The following SGCZ variants were observed in gnomAD, a reference collection of about 807,000 sequenced individuals.
SGCZ encodes zeta-sarcoglycan.
SGCZ carries 40 observed loss-of-function variants against 41.3 expected under a neutral mutation model. The ratio of observed to expected loss-of-function variants is 0.97; its 90% CI spans 0.75 to 1.26. SGCZ has a LOEUF of 1.26. SGCZ is among the 50% of genes most tolerant of loss of function. The pLI, the probability that SGCZ is intolerant of heterozygous loss-of-function variation, is 0.00. For missense variants in SGCZ, 552 were observed against 369.8 expected, an observed-to-expected ratio of 1.49 and a Z score of -4.04; for synonymous variants, 206 against 137.5, an observed-to-expected ratio of 1.50 and a Z score of -3.49.
At chr8:14,458,248 T>A (rs1303170974) in intron 2 of SGCZ, among the ~76,000 whole-genome samples, 1 of 152,108 alleles carries the variant, frequency 6.6e-6, no homozygotes, top group East Asian at 1.9e-4. Context: ...CTAGCTATAT[T>A]ACAAATGAAA....
At chr8:14,205,395 T>A (rs2117081057) in intron 4 of SGCZ, among the ~76,000 whole-genome samples, 1 of 152,290 alleles carries the variant, frequency 6.6e-6, no homozygotes, top group Non-Finnish European at 1.5e-5. Flanking sequence ...TTCAGAAAGT[T>A]AAAATTTAAT....
chr8:14,799,973 TA>T (rs1228546476), intron 1 of SGCZ, among the ~76,000 whole-genome samples: 1 of 152,198 alleles, frequency 6.6e-6, no homozygotes, highest in African/African-American at 2.4e-5. Context: ...AGTATTTTCT[TA>T]AAACAATTCA....
chr8:14,940,749 ATG>A lies in SGCZ; in HGVS notation c.39+296834_39+296835del, dbSNP rs140834317. Among the ~76,000 whole-genome samples, 63 of 151,792 alleles carry A rather than the reference ATG, an allele frequency of 4.2e-4. 1 individual carries two copies. The East Asian group carries it at 0.011, about 27-fold the overall frequency. On this transcript the variant is annotated intron_variant, in intron 1 of 7. Transcript: ENST00000382080. ...TTGACCATATATGAATGAAGTGTGT[ATG>A]TGTGTGTGTGTCTGTGTTTGTGTAC...
At chr8:14,377,374 T>A (rs1219949616) in intron 2 of SGCZ, among the ~76,000 whole-genome samples, 2 of 152,160 alleles carry the variant, frequency 1.3e-5, no homozygotes, top group Non-Finnish European at 2.9e-5. Flanking sequence ...TTCATTTGGC[T>A]GTTCCTGAGC....
chr8:15,144,904 T>C (rs1798997259), intron 1 of SGCZ, among the ~76,000 whole-genome samples: 1 of 152,232 alleles, frequency 6.6e-6, no homozygotes. Context: ...TGTAACCTGA[T>C]ACATTCCATC....
chr8:14,308,858 C>T (rs942598293), intron 3 of SGCZ, among the ~76,000 whole-genome samples: 6 of 152,034 alleles, frequency 3.9e-5, no homozygotes, highest in African/African-American at 1.4e-4. Context: ...GAATGAAGCC[C>T]TTTCTTCAGT....
chr8:14,631,564 T>G (rs1275693348), intron 1 of SGCZ, among the ~76,000 whole-genome samples: 1 of 152,084 alleles, frequency 6.6e-6, no homozygotes, highest in Non-Finnish European at 1.5e-5. Flanking sequence ...TGGATATGAA[T>G]AAAGTCTCAG....
intron 7 of SGCZ, among the ~76,000 whole-genome samples, chr8:14,101,253 C>T (rs1802010960): frequency 6.6e-6 from 1 of 151,944 alleles, no homozygotes; most frequent in Admixed American, 6.6e-5. Flanking sequence ...AAGTCAGTGG[C>T]ATGAGGCACA....
rs149328023 is a variant in SGCZ, at chr8:14,469,353, G to A, written c.234+85379C>T. Among the ~76,000 whole-genome samples, 4 of 151,600 alleles carry A rather than the reference G, an allele frequency of 2.6e-5. No individual in the cohort carries two copies. The East Asian group carries it at 7.8e-4, about 29-fold the overall frequency. ...GACCTTAAATACAGCTTGCTCTGGAGATCTCAGTCTGGTCTACTTGTTGTC... is the reference window on the plus strand; with the variant it reads ...GACCTTAAATACAGCTTGCTCTGGAAATCTCAGTCTGGTCTACTTGTTGTC... On this transcript the variant is annotated intron_variant, in intron 2 of 7. Transcript: ENST00000382080.
chr8:15,040,052 T>C (rs1394921555), intron 1 of SGCZ, among the ~76,000 whole-genome samples: 1 of 152,178 alleles, frequency 6.6e-6, no homozygotes, highest in African/African-American at 2.4e-5. Flanking sequence ...AAACTTAATG[T>C]CATACAGATA....
chr8:14,229,291 T>C (rs968231133), intron 4 of SGCZ, among the ~76,000 whole-genome samples: 4 of 152,086 alleles, frequency 2.6e-5, no homozygotes, highest in South Asian at 4.1e-4. Context: ...AAATACTCCT[T>C]TGATACAACT....
At chr8:15,052,530 T>C (rs1804551470) in intron 1 of SGCZ, among the ~76,000 whole-genome samples, 1 of 152,090 alleles carries the variant, frequency 6.6e-6, no homozygotes. Context: ...CACTGTGGGC[T>C]TCGTTCTAAC....
In SGCZ at chr8:14,344,975, A is replaced by C. The variant is rs149890154; in HGVS notation, c.235-20771T>G. On this transcript the variant is annotated intron_variant, in intron 2 of 7. Coordinates refer to ENST00000382080, the MANE Select transcript of SGCZ (RefSeq NM_139167.4). Reference sequence around the variant, plus strand: ...AAATTTTGACAGTAATTTCACTTGTAGGCATACACACTGGCAAAATAAAAG... The same window carrying C: ...AAATTTTGACAGTAATTTCACTTGTCGGCATACACACTGGCAAAATAAAAG... Among the ~76,000 whole-genome samples the C allele has an allele frequency of 3.3e-3, 497 of 152,252 alleles. 11 individuals carry two copies. In the East Asian group the frequency reaches 0.037, roughly 11 times the overall value.
At chr8:14,909,681 G>T (rs1306062235) in intron 1 of SGCZ, among the ~76,000 whole-genome samples, 1 of 151,862 alleles carries the variant, frequency 6.6e-6, no homozygotes, top group East Asian at 1.9e-4. Flanking sequence ...TAATTATAAG[G>T]CATAGTTCTA....
intron 1 of SGCZ, among the ~76,000 whole-genome samples, chr8:14,864,969 A>C (rs1269413463): frequency 6.6e-6 from 1 of 151,984 alleles, no homozygotes; most frequent in Non-Finnish European, 1.5e-5. Context: ...AGGTCTATTC[A>C]GATCATTTGC....
intron 1 of SGCZ, among the ~76,000 whole-genome samples, chr8:14,881,671 T>C (rs1345067385): frequency 6.6e-6 from 1 of 152,154 alleles, no homozygotes; most frequent in Non-Finnish European, 1.5e-5. Context: ...AGACAGATCA[T>C]TGAGACAGAA....
At chr8:14,356,535 A>G (rs1334041489) in intron 2 of SGCZ, among the ~76,000 whole-genome samples, 2 of 152,190 alleles carry the variant, frequency 1.3e-5, no homozygotes, top group Non-Finnish European at 1.5e-5. Context: ...GAACTTGTTT[A>G]ACAAAATGTG....
intron 1 of SGCZ, among the ~76,000 whole-genome samples, chr8:15,048,567 A>G (rs915038230): frequency 2.0e-5 from 3 of 152,132 alleles, no homozygotes; most frequent in Non-Finnish European, 4.4e-5. Context: ...CACATTGTGT[A>G]CATGTATCAA....
At chr8:14,759,519 C>A (rs1391338829) in intron 1 of SGCZ, among the ~76,000 whole-genome samples, 1 of 152,036 alleles carries the variant, frequency 6.6e-6, no homozygotes, top group Admixed American at 6.6e-5. Flanking sequence ...ATTAAAAGTT[C>A]ACAGAATGCT....
Sources: gnomAD v4.1 joint callset for allele counts (sites outside exome capture counted in the v4.1 genomes callset) on GRCh38, gnomAD v4.1.1 for gene constraint, MANE v1.5 for transcripts, NCBI Gene and HGNC (gene_info 2026-07-23, HGNC 2026-07-21) for gene names.